The following TMEM45B variants were observed in gnomAD, a reference collection of about 807,000 sequenced individuals.
TMEM45B encodes the protein transmembrane protein 45B.
A neutral mutation model predicts 27.3 loss-of-function variants in TMEM45B; 29 were observed. That is an observed-to-expected ratio of 1.06 (90% confidence interval 0.79 to 1.45). The LOEUF is 1.45. Ranked by LOEUF, TMEM45B falls within the 40% of genes most tolerant of loss-of-function variation. The pLI is 0.00. For synonymous variants in TMEM45B, 143 were observed against 134.7 expected, an observed-to-expected ratio of 1.06 and a Z score of -0.43; for missense variants, 348 against 343.9, an observed-to-expected ratio of 1.01 and a Z score of -0.09.
At chr11:129,843,785 C>CA (rs1947725625) in intron 1 of TMEM45B, among the ~76,000 whole-genome samples, 1 of 152,000 alleles carries the variant, frequency 6.6e-6, no homozygotes, top group Non-Finnish European at 1.5e-5. Flanking sequence ...AAAATCAAAA[C>CA]AAAAAACAAA....
intron 1 of TMEM45B, among the ~76,000 whole-genome samples, chr11:129,848,433 G>A (rs2135593110): frequency 6.6e-6 from 1 of 152,366 alleles, no homozygotes; most frequent in Middle Eastern, 3.4e-3. Context: ...GAATCAGGCA[G>A]GGAGGTTGCA....
chr11:129,855,864 T>C lies in TMEM45B; in HGVS notation c.542T>C (p.Ile181Thr). ...IVLELFRTSL[I>T]ILQGTWFWQI... ...CTGGAACTTTTCCGAACCAGTCTCATCATTCTTCAGGGAACCTGGTTCTGG... is the reference window on the plus strand; with the variant it reads ...CTGGAACTTTTCCGAACCAGTCTCACCATTCTTCAGGGAACCTGGTTCTGG... Residue 181 changes from isoleucine to threonine, a missense_variant, in exon 4 of 6, where the codon ATC becomes ACC. Ile to Thr is a moderately conservative substitution (Grantham distance 89). Transcript: ENST00000281441. 1 of 1,614,180 alleles carries C rather than the reference T, an allele frequency of 6.2e-7. No homozygotes were observed. The highest frequency in any genetic ancestry group is 8.5e-7 in the Non-Finnish European group (1 of 1,180,030).
At chr11:129,842,989 G>C (rs1947713524) in intron 1 of TMEM45B, among the ~76,000 whole-genome samples, 1 of 152,250 alleles carries the variant, frequency 6.6e-6, no homozygotes, top group East Asian at 1.9e-4. Context: ...GCAACAGGCT[G>C]AGTGCAGTGG....
chr11:129,857,309 C>G lies in TMEM45B; in HGVS notation c.571-4C>G. 1 of 1,614,050 alleles carries G rather than the reference C, an allele frequency of 6.2e-7. No homozygotes were observed. Among genetic ancestry groups the G allele is most frequent in the Non-Finnish European group, 8.5e-7 (1 of 1,179,924 alleles). The stretch of plus-strand genomic sequence containing the variant: ...AAGACCAACTTCTCTCTGTAATCCC[C>G]TAGATTGGGTTTGTGCTGTTCCCAC... On this transcript the variant is annotated splice_polypyrimidine_tract_variant and splice_region_variant and intron_variant, in intron 4 of 5. Transcript: ENST00000281441.
intron 1 of TMEM45B, among the ~76,000 whole-genome samples, chr11:129,849,410 C>G (rs1947813201): frequency 6.6e-6 from 1 of 152,218 alleles, no homozygotes; most frequent in South Asian, 2.1e-4. Context: ...GACTCCATAT[C>G]TCACCTTCTG....
At chr11:129,840,962 A>AAAAAAAAAAAAAAAAAAAAAAAAAAAAT in intron 1 of TMEM45B, among the ~76,000 whole-genome samples, 1 of 150,058 alleles carries the variant, frequency 6.7e-6, no homozygotes, top group East Asian at 1.9e-4. Context: ...AAAAAAAAAA[A>AAAAAAAAAAAAAAAAAAAAAAAAAAAAT]AAAAAAAAGC....
Position 129,855,870 on chromosome 11 carries a change from T to C in TMEM45B, c.548T>C (p.Leu183Pro), listed in dbSNP as rs201855054. Residue 183 changes from leucine (L) to proline (P), a missense_variant, in exon 4 of 6, where the codon CTT becomes CCT. By Grantham distance (98) the Leu-to-Pro change is moderately conservative (BLOSUM62 -3). Transcript: ENST00000281441. Reference sequence around the variant, plus strand: ...CTTTTCCGAACCAGTCTCATCATTCTTCAGGGAACCTGGTTCTGGCAGGTG... The same window carrying C: ...CTTTTCCGAACCAGTCTCATCATTCCTCAGGGAACCTGGTTCTGGCAGGTG... ...LELFRTSLII[L>P]QGTWFWQIGF... 7.4e-6 allele frequency: 12 copies of C among 1,614,204 alleles called. No homozygotes were observed. In the East Asian group the frequency reaches 2.0e-4, roughly 27 times the overall value.
Position 129,859,467 on chromosome 11 carries a change from G to A in TMEM45B, c.*782G>A, listed in dbSNP as rs537684369. 6 of 152,090 alleles carry A rather than the reference G, an allele frequency of 3.9e-5. No individual in the cohort carries two copies. Among genetic ancestry groups the A allele is most frequent in the Non-Finnish European group, 8.8e-5 (6 of 68,016 alleles). 9.4% of individuals were successfully genotyped at this position (152,090 alleles called of 1,614,324 possible). On this transcript the variant is annotated 3_prime_UTR_variant, in exon 6 of 6. Transcript: ENST00000281441. ...CAGTTTTAATATGGCTGAAAGCAAA[G>A]GATAACGAATTCAGAATTAGTAATG...
intron 1 of TMEM45B, among the ~76,000 whole-genome samples, chr11:129,827,966 T>C (rs1212122173): frequency 6.6e-6 from 1 of 151,934 alleles, no homozygotes; most frequent in African/African-American, 2.4e-5. Context: ...TGAGACCTTG[T>C]CTCAAAAAAA....
At chr11:129,831,253 T>C (rs1279005330) in intron 1 of TMEM45B, among the ~76,000 whole-genome samples, 1 of 152,240 alleles carries the variant, frequency 6.6e-6, no homozygotes, top group East Asian at 1.9e-4. Flanking sequence ...AGAACTTTCA[T>C]GCTTCCACTT....
intron 1 of TMEM45B, among the ~76,000 whole-genome samples, chr11:129,846,581 G>A (rs773216965): frequency 1.3e-5 from 2 of 152,144 alleles, no homozygotes; most frequent in Non-Finnish European, 2.9e-5. Context: ...CCTGCGGTAA[G>A]CTGTGGACTA....
At chr11:129,832,043 G>GC (rs1475686188) in intron 1 of TMEM45B, among the ~76,000 whole-genome samples, 1 of 124,094 alleles carries the variant, frequency 8.1e-6, no homozygotes, top group Non-Finnish European at 1.6e-5. Flanking sequence ...TCCAGCCTGG[G>GC]CGACAGAGCG....
At chr11:129,836,883 G>A (rs536020264) in intron 1 of TMEM45B, among the ~76,000 whole-genome samples, 1 of 152,234 alleles carries the variant, frequency 6.6e-6, no homozygotes, top group Admixed American at 6.5e-5. Flanking sequence ...GAGAAACCTG[G>A]GAAACATCGT....
chr11:129,842,691 T>C (rs1326266462), intron 1 of TMEM45B, among the ~76,000 whole-genome samples: 1 of 152,154 alleles, frequency 6.6e-6, no homozygotes, highest in Admixed American at 6.5e-5. Context: ...ATGGTAAAAC[T>C]CCTAGAAGAA....
intron 4 of TMEM45B, 62 bp from the exon 5 acceptor site, chr11:129,857,251 A>T (rs1947942007): frequency 1.3e-6 from 2 of 1,592,488 alleles, no homozygotes; most frequent in Non-Finnish European, 1.7e-6. Flanking sequence ...CCACAGGAGA[A>T]CGGCTAGATT....
chr11:129,858,892 A>G lies in TMEM45B; in HGVS notation c.*207A>G, dbSNP rs1048284315. The G allele has an allele frequency of 1.5e-5, 6 of 406,922 alleles. No individual in the cohort carries two copies. The highest frequency in any genetic ancestry group is 4.1e-5 in the African/African-American group (2 of 48,894). The allele number at this position is 406,922 out of a possible 1,614,324, so 25.2% of individuals were successfully genotyped here. On this transcript the variant is annotated 3_prime_UTR_variant, in exon 6 of 6. Coordinates refer to ENST00000281441, the MANE Select transcript of TMEM45B (RefSeq NM_138788.5). ...CAGTTGGGATTTTTAAACATACTAT[A>G]AAGTCTGTGTTGGTATAGTACCCTT...
At chr11:129,826,833 G>C (rs548891353) in intron 1 of TMEM45B, among the ~76,000 whole-genome samples, 226 of 150,768 alleles carry the variant, frequency 1.5e-3, no homozygotes, top group Non-Finnish European at 1.6e-3. Context: ...TCAGCCTCCC[G>C]AGTAGCTGGG....
Position 129,859,451 on chromosome 11 carries a change from T to C in TMEM45B, c.*766T>C, listed in dbSNP as rs754748414. On this transcript the variant is annotated 3_prime_UTR_variant, in exon 6 of 6. Coordinates refer to ENST00000281441, the MANE Select transcript of TMEM45B (RefSeq NM_138788.5). ...AGGTATGGAAGGCTTTCAGTTTTAA[T>C]ATGGCTGAAAGCAAAGGATAACGAA... The C allele has an allele frequency of 2.6e-5, 4 of 152,216 alleles. No individual in the cohort carries two copies. The highest frequency in any genetic ancestry group is 9.6e-5 in the African/African-American group (4 of 41,454). 9.4% of individuals were successfully genotyped at this position (152,216 alleles called of 1,614,324 possible).
At chr11:129,822,616 G>A (rs10750421) in intron 1 of TMEM45B, among the ~76,000 whole-genome samples, 14,921 of 152,106 alleles carry the variant, frequency 0.098, 788 homozygotes, top group Admixed American at 0.12. Flanking sequence ...GCTTAATAGC[G>A]GAGGTTCTTG....
Sources: allele counts gnomAD v4.1 joint callset (sites outside exome capture counted in the v4.1 genomes callset), GRCh38; gene constraint gnomAD v4.1.1; transcripts MANE v1.5; gene names NCBI Gene and HGNC (gene_info 2026-07-23, HGNC 2026-07-21).